DNAH7: variants seen among roughly 807,000 people sequenced by gnomAD.
DNAH7 encodes dynein axonemal heavy chain 7.
In DNAH7, 397 loss-of-function variants were observed where a neutral mutation model predicts 444.6. The observed-to-expected ratio is 0.89, with a 90% CI of 0.82 to 0.97. The LOEUF (loss-of-function observed/expected upper bound fraction) is 0.97, where lower values mean the gene tolerates loss of function less well. Ranked by LOEUF, DNAH7 falls within the 50% of genes least tolerant of loss-of-function variation. The pLI is 0.00. For synonymous variants in DNAH7, 1,636 were observed against 1,624.4 expected, an observed-to-expected ratio of 1.01 and a Z score of -0.17; for missense variants, 4,902 against 4,800.8, an observed-to-expected ratio of 1.02 and a Z score of -0.62.
chr2:196,038,347 CA>C (rs1696523629), intron 5 of DNAH7, among the ~76,000 whole-genome samples: 1 of 151,962 alleles, frequency 6.6e-6, no homozygotes, highest in African/African-American at 2.4e-5. Flanking sequence ...AGCAGATACA[CA>C]AATGAGAAAA....
intron 12 of DNAH7, among the ~76,000 whole-genome samples, chr2:195,993,790 T>C (rs1162244970): frequency 1.3e-5 from 2 of 152,232 alleles, no homozygotes; most frequent in African/African-American, 4.8e-5. Flanking sequence ...TTCCATTCCA[T>C]ATTAGCATAC....
At position 195,932,084 on chromosome 2, in the gene DNAH7, C is replaced by T. The variant is rs952309215; in HGVS notation, c.3471+2507G>A. Among the ~76,000 whole-genome samples the T allele has an allele frequency of 3.9e-5, 6 of 152,198 alleles. No homozygotes were observed. In the East Asian group the frequency reaches 1.2e-3, roughly 29 times the overall value. ...GGAATGTTCTTCCATTTGTTTGTATCCTCTTTTATTTCATTGAGCAGTGGT... is the reference window on the plus strand; with the variant it reads ...GGAATGTTCTTCCATTTGTTTGTATTCTCTTTTATTTCATTGAGCAGTGGT... On this transcript the variant is annotated intron_variant, in intron 21 of 64. Transcript: ENST00000312428.
intron 61 of DNAH7, among the ~76,000 whole-genome samples, chr2:195,757,977 C>CA (rs1301103024): frequency 6.6e-6 from 1 of 152,142 alleles, no homozygotes; most frequent in East Asian, 1.9e-4. Flanking sequence ...CCGTTAGGGC[C>CA]AAAGTTACCA....
At chr2:196,009,145 T>A (rs1348791178) in intron 10 of DNAH7, among the ~76,000 whole-genome samples, 1 of 152,110 alleles carries the variant, frequency 6.6e-6, no homozygotes, top group African/African-American at 2.4e-5. Context: ...TCTGCCCCCA[T>A]GACCAAACAC....
chr2:195,766,374 G>C (rs1694591044), intron 61 of DNAH7, among the ~76,000 whole-genome samples: 1 of 151,494 alleles, frequency 6.6e-6, no homozygotes, highest in Non-Finnish European at 1.5e-5. Flanking sequence ...CGCCCTGTTG[G>C]CCAGGCTGGT....
chr2:195,796,939 G>A (rs550944671), intron 55 of DNAH7, among the ~76,000 whole-genome samples: 25 of 152,258 alleles, frequency 1.6e-4, no homozygotes, highest in Admixed American at 5.9e-4. Context: ...AATTCACGTA[G>A]GAAATAGTCA....
chr2:195,925,636 T>C (rs2125366393), intron 22 of DNAH7, among the ~76,000 whole-genome samples: 1 of 152,300 alleles, frequency 6.6e-6, no homozygotes, highest in South Asian at 2.1e-4. Context: ...TGTCACTCAG[T>C]CCCTTACTCT....
chr2:196,004,069 T>C (rs999823521), intron 10 of DNAH7, among the ~76,000 whole-genome samples: 4 of 152,314 alleles, frequency 2.6e-5, no homozygotes, highest in African/African-American at 9.6e-5. Flanking sequence ...AAGGTGAAAG[T>C]CTTTTTAGAA....
chr2:196,047,539 A>G (rs758396640), intron 4 of DNAH7, 40 bp from the exon 5 acceptor site: 3 of 1,492,714 alleles, frequency 2.0e-6, no homozygotes, highest in African/African-American at 1.4e-5. Flanking sequence ...TTATTCATCT[A>G]AAAGGTAAGC....
intron 61 of DNAH7, among the ~76,000 whole-genome samples, chr2:195,764,861 CT>C (rs1466408854): frequency 6.8e-6 from 1 of 147,998 alleles, no homozygotes; most frequent in Non-Finnish European, 1.5e-5. Context: ...CTATGACATT[CT>C]TTATAGAAAT....
At chr2:195,943,016 T>C (rs1004557933) in intron 19 of DNAH7, among the ~76,000 whole-genome samples, 5 of 152,136 alleles carry the variant, frequency 3.3e-5, no homozygotes, top group Admixed American at 2.6e-4. Context: ...GCTGTTCTCA[T>C]GATAGTGAAT....
chr2:195,860,182 A>C (rs1337016447), intron 42 of DNAH7, among the ~76,000 whole-genome samples: 1 of 152,106 alleles, frequency 6.6e-6, no homozygotes, highest in Non-Finnish European at 1.5e-5. Context: ...TAACTTTAAA[A>C]CTTATAACCA....
chr2:195,969,984 T>G lies in DNAH7; in HGVS notation c.2169A>C (p.Gln723His). The change falls in exon 17 of 65, where the codon CAA (glutamine) becomes CAC (histidine). Residue 723 changes from glutamine to histidine, a missense_variant. Coordinates refer to ENST00000312428, the MANE Select transcript of DNAH7 (RefSeq NM_018897.3). Reference protein sequence around the residue: ...QDVQRYLKKAQILNGKLDLAA... With the variant: ...QDVQRYLKKAHILNGKLDLAA... Reference sequence around the variant, plus strand: ...CTAAATCCAACTTTCCATTCAGTATTTGAGCCTTTTTTAGGTACCGCTGAA... The same window carrying G: ...CTAAATCCAACTTTCCATTCAGTATGTGAGCCTTTTTTAGGTACCGCTGAA... The G allele has an allele frequency of 1.2e-6, 2 of 1,611,456 alleles. No homozygotes were observed. Among genetic ancestry groups the G allele is most frequent in the Non-Finnish European group, 1.7e-6 (2 of 1,179,274 alleles).
intron 63 of DNAH7, among the ~76,000 whole-genome samples, chr2:195,751,629 G>C (rs1017894055): frequency 8.5e-5 from 13 of 152,190 alleles, no homozygotes; most frequent in Non-Finnish European, 1.6e-4. Context: ...GGCTCCAACA[G>C]ATGGAAGTGG....
intron 60 of DNAH7, among the ~76,000 whole-genome samples, chr2:195,772,374 G>C (rs977326145): frequency 4.6e-5 from 7 of 152,172 alleles, no homozygotes; most frequent in African/African-American, 1.7e-4. Flanking sequence ...TGAACCAGGA[G>C]AGAAAGAAAA....
intron 49 of DNAH7, 135 bp downstream of exon 49, chr2:195,824,120 C>T (rs982855008): frequency 7.1e-6 from 5 of 699,984 alleles, no homozygotes; most frequent in Non-Finnish European, 1.1e-5. Flanking sequence ...ATTATTATAG[C>T]AATAATTTTA....
Position 195,935,642 on chromosome 2 carries a change from AGAT to A in DNAH7, c.3273-856_3273-854del, listed in dbSNP as rs1284803815. Among the ~76,000 whole-genome samples the A allele has an allele frequency of 2.0e-5, 3 of 152,228 alleles. No homozygotes were observed. The East Asian group carries it at 5.8e-4, about 29-fold the overall frequency. On this transcript the variant is annotated intron_variant, in intron 20 of 64. Coordinates refer to ENST00000312428, the MANE Select transcript of DNAH7 (RefSeq NM_018897.3). ...AAATAAGTAAATTACAGAGTATGCC[AGAT>A]GATAACAACTATGCAGAAGGAAAAT...
intron 43 of DNAH7, 133 bp from the exon 44 acceptor site, chr2:195,857,856 C>A: frequency 1.3e-6 from 1 of 769,956 alleles, no homozygotes; most frequent in South Asian, 2.3e-5. Context: ...AGTAATAGAA[C>A]TGCACTTACA....
At position 195,771,900 on chromosome 2, in the gene DNAH7, A is replaced by C. The variant is rs975392082; in HGVS notation, c.11203-10T>G. The C allele has an allele frequency of 2.5e-6, 4 of 1,612,028 alleles. No homozygotes were observed. Among genetic ancestry groups the C allele is most frequent in the Non-Finnish European group, 3.4e-6 (4 of 1,178,022 alleles). Reference sequence around the variant, plus strand: ...CACCTGCTGAACGAGACTATGAAGAATCCAAACTATAACTCAAAAATCCTC... The same window carrying C: ...CACCTGCTGAACGAGACTATGAAGACTCCAAACTATAACTCAAAAATCCTC... On this transcript the variant is annotated splice_polypyrimidine_tract_variant and intron_variant, in intron 60 of 64. Transcript: ENST00000312428.
Sources: allele counts gnomAD v4.1 joint callset (sites outside exome capture counted in the v4.1 genomes callset), GRCh38; gene constraint gnomAD v4.1.1; transcripts MANE v1.5; gene names NCBI Gene and HGNC (gene_info 2026-07-23, HGNC 2026-07-21).